Variants in DLEC1 observed in about 807,000 individuals in gnomAD.
The protein encoded by DLEC1 is deleted in lung and esophageal cancer protein 1.
Under a neutral mutation model 198.1 loss-of-function variants are expected in DLEC1, and 146 were observed. That is an observed-to-expected ratio of 0.74 (90% confidence interval 0.64 to 0.85). DLEC1 has a LOEUF of 0.85. DLEC1 is among the 40% of genes least tolerant of loss of function. DLEC1 has a pLI of 0.00. For missense variants in DLEC1, 2,233 were observed against 2,220.0 expected, an observed-to-expected ratio of 1.01 and a Z score of -0.12; for synonymous variants, 897 against 866.8, an observed-to-expected ratio of 1.03 and a Z score of -0.61.
chr3:38,092,837 C>T lies in DLEC1; in HGVS notation c.1713C>T (p.Ile571=), dbSNP rs771982845. 2 of 1,614,072 alleles carry T rather than the reference C, an allele frequency of 1.2e-6. No homozygotes were observed. The highest frequency in any genetic ancestry group is 1.7e-6 in the Non-Finnish European group (2 of 1,180,042). The change falls in exon 11 of 37, where the codon ATC becomes ATT. Residue 571 remains isoleucine (I), a synonymous_variant. Transcript: ENST00000308059. ...KSLGKAEQTF[I]IMCDNCQIKE... ...TAGGAAAGGCAGAGCAGACCTTCAT[C>T]ATCATGTGCGACAACTGCCAGATAA...
rs189508020 is a variant in DLEC1 at position 38,082,938 on chromosome 3, G to A, written c.1174-1220G>A. 3.9e-5 allele frequency among the ~76,000 whole-genome samples: 6 copies of A among 152,300 alleles called. No homozygotes were observed. The East Asian group carries it at 5.8e-4, about 15-fold the overall frequency. Reference sequence around the variant, plus strand: ...GCTGCCTTCCCAGTCCGTGACCGGCGCCGGAGTTTTGGGTCCACAAATAAA... The same window carrying A: ...GCTGCCTTCCCAGTCCGTGACCGGCACCGGAGTTTTGGGTCCACAAATAAA... On this transcript the variant is annotated intron_variant, in intron 6 of 36. Coordinates refer to ENST00000308059, the MANE Select transcript of DLEC1 (RefSeq NM_007335.4).
chr3:38,119,081 A>G (rs1011638047), intron 33 of DLEC1, among the ~76,000 whole-genome samples: 2 of 152,194 alleles, frequency 1.3e-5, no homozygotes, highest in Non-Finnish European at 2.9e-5. Flanking sequence ...AGAGCTTCCA[A>G]GGAGACACGG....
rs111637593 is a variant in DLEC1, at chr3:38,063,720, A to G, written c.1095-121A>G. The stretch of plus-strand genomic sequence containing the variant: ...ATCCAAAAACCCCCCAACAAATGGT[A>G]TATTGTGAATATCTTTGATGGTCTT... On this transcript the variant is annotated intron_variant, in intron 5 of 36. Coordinates refer to ENST00000308059, the MANE Select transcript of DLEC1 (RefSeq NM_007335.4). The G allele has an allele frequency of 4.1e-3, 2,921 of 708,362 alleles. 50 individuals are homozygous for G. The African/African-American group carries it at 0.042, about 10-fold the overall frequency. The allele number at this position is 708,362 out of a possible 1,614,324, so 43.9% of individuals were successfully genotyped here.
Position 38,116,963 on chromosome 3 carries a change from T to C in DLEC1, c.4180-12T>C. ...GCATGGGACAGTGCTAAGGCTGCTGTGTCTATGCCAGGTGGTCCCTGCTGG... is the reference window on the plus strand; with the variant it reads ...GCATGGGACAGTGCTAAGGCTGCTGCGTCTATGCCAGGTGGTCCCTGCTGG... On this transcript the variant is annotated splice_polypyrimidine_tract_variant and intron_variant, in intron 29 of 36. Coordinates refer to ENST00000308059, the MANE Select transcript of DLEC1 (RefSeq NM_007335.4). 1 of 1,613,656 alleles carries C rather than the reference T, an allele frequency of 6.2e-7. No individual in the cohort carries two copies.
intron 9 of DLEC1, among the ~76,000 whole-genome samples, chr3:38,087,348 CA>C (rs1271245687): frequency 7.8e-6 from 1 of 128,210 alleles, no homozygotes; most frequent in African/African-American, 2.7e-5. Flanking sequence ...CACCATCCAT[CA>C]GCACTGACAC....
At chr3:38,091,078 T>C (rs1698722331) in intron 10 of DLEC1, among the ~76,000 whole-genome samples, 1 of 152,216 alleles carries the variant, frequency 6.6e-6, no homozygotes, top group Admixed American at 6.5e-5. Flanking sequence ...GATTTAAATA[T>C]AAGACTTGAA....
At position 38,097,741 on chromosome 3, in the gene DLEC1, C is replaced by G; in HGVS notation, c.2566-3C>G. On this transcript the variant is annotated splice_polypyrimidine_tract_variant and splice_region_variant and intron_variant, in intron 17 of 36. Transcript: ENST00000308059. ...CCAGTGACAGGCCCTCTGGGTGTCTCAGGGGCCTGCCCTCATCATCAACGT... is the reference window on the plus strand; with the variant it reads ...CCAGTGACAGGCCCTCTGGGTGTCTGAGGGGCCTGCCCTCATCATCAACGT... 1 of 1,614,112 alleles carries G rather than the reference C, an allele frequency of 6.2e-7. No individual in the cohort carries two copies. The highest frequency in any genetic ancestry group is 8.5e-7 in the Non-Finnish European group (1 of 1,179,958).
intron 19 of DLEC1, among the ~76,000 whole-genome samples, 195 bp downstream of exon 19, chr3:38,100,620 T>A (rs1699258625): frequency 6.6e-6 from 1 of 152,224 alleles, no homozygotes; most frequent in Non-Finnish European, 1.5e-5. Flanking sequence ...GATGATCCAC[T>A]GATAATATTA....
intron 21 of DLEC1, 88 bp from the exon 22 acceptor site, chr3:38,109,344 C>T (rs1699738188): frequency 1.3e-5 from 20 of 1,558,176 alleles, no homozygotes; most frequent in Non-Finnish European, 1.7e-5. Context: ...CAAGGCTCCA[C>T]AGCAATCCCC....
chr3:38,053,947 A>G (rs1325915896), intron 2 of DLEC1, among the ~76,000 whole-genome samples: 3 of 152,326 alleles, frequency 2.0e-5, no homozygotes, highest in Non-Finnish European at 4.4e-5. Flanking sequence ...GGTTAAATGG[A>G]TTAAGGGCGG....
rs959343409 is a variant in DLEC1 at position 38,112,829 on chromosome 3, C to T, written c.3666+468C>T. ...ACTGTGTGTGGGTTCCTGTGTGGGC[C>T]GCTGTAGTGTGGAGGATACAGGGAT... is the stretch of plus-strand genomic sequence containing the variant. On this transcript the variant is annotated intron_variant, in intron 25 of 36. Coordinates refer to ENST00000308059, the MANE Select transcript of DLEC1 (RefSeq NM_007335.4). The surrounding 1 kb of genome is among the most constrained non-coding windows in gnomAD (Gnocchi z 4.8). Among the ~76,000 whole-genome samples, 22 of 152,086 alleles carry T rather than the reference C, an allele frequency of 1.4e-4. No individual in the cohort carries two copies. Among genetic ancestry groups the T allele is most frequent in the African/African-American group, 5.1e-4 (21 of 41,390 alleles).
At chr3:38,117,658 A>G in intron 32 of DLEC1, 47 bp downstream of exon 32, 1 of 1,612,704 alleles carries the variant, frequency 6.2e-7, no homozygotes, top group Non-Finnish European at 8.5e-7. Flanking sequence ...CCTGGACCTC[A>G]GATGTCTCTG....
At chr3:38,078,230 G>T (rs887967383) in intron 6 of DLEC1, among the ~76,000 whole-genome samples, 4 of 152,174 alleles carry the variant, frequency 2.6e-5, no homozygotes, top group African/African-American at 7.2e-5. Context: ...AGGAGCCGGG[G>T]AGCAGAAAGT....
At position 38,116,893 on chromosome 3, in the gene DLEC1, A is replaced by G. The variant is rs1404690952; in HGVS notation, c.4179+4A>G. 45 of 1,612,672 alleles carry G rather than the reference A, an allele frequency of 2.8e-5. No homozygotes were observed. The highest frequency in any genetic ancestry group is 3.8e-5 in the Non-Finnish European group (45 of 1,179,358). ...CTGTATCAGCCCCAAGCAGGTGGTGAGTTGGGGTATGGGCTGGGAGCTGTC... is the reference window on the plus strand; with the variant it reads ...CTGTATCAGCCCCAAGCAGGTGGTGGGTTGGGGTATGGGCTGGGAGCTGTC... On this transcript the variant is annotated splice_donor_region_variant and intron_variant, in intron 29 of 36. Coordinates refer to ENST00000308059, the MANE Select transcript of DLEC1 (RefSeq NM_007335.4).
At chr3:38,085,726 T>A (rs1698419144) in intron 8 of DLEC1, among the ~76,000 whole-genome samples, 3 of 152,068 alleles carry the variant, frequency 2.0e-5, no homozygotes, top group Admixed American at 2.0e-4. Flanking sequence ...TTTGCTGGCT[T>A]ATGAACATCC....
chr3:38,115,208 A>G (rs980339389), intron 27 of DLEC1, among the ~76,000 whole-genome samples, 155 bp downstream of exon 27: 8 of 152,232 alleles, frequency 5.3e-5, no homozygotes, highest in African/African-American at 1.9e-4. Flanking sequence ...ATGGGCCCAC[A>G]GATGCCCTGC....
intron 6 of DLEC1, among the ~76,000 whole-genome samples, chr3:38,072,609 T>C (rs923299016): frequency 6.6e-6 from 1 of 152,140 alleles, no homozygotes; most frequent in Non-Finnish European, 1.5e-5. Flanking sequence ...ATCTATGGGG[T>C]CAACTAGGTT....
At chr3:38,064,842 C>A (rs1439635927) in intron 6 of DLEC1, among the ~76,000 whole-genome samples, 1 of 149,782 alleles carries the variant, frequency 6.7e-6, no homozygotes, top group African/African-American at 2.5e-5. Flanking sequence ...AGAGGCGCTC[C>A]TCACTTCCCA....
chr3:38,059,913 G>A (rs1346035349), intron 3 of DLEC1, 61 bp downstream of exon 3: 13 of 1,383,452 alleles, frequency 9.4e-6, no homozygotes, highest in South Asian at 1.2e-5. Flanking sequence ...GTAGGGCCAC[G>A]TTGGCCACCT....
Sources: allele counts gnomAD v4.1 joint callset (sites outside exome capture counted in the v4.1 genomes callset), GRCh38; gene constraint gnomAD v4.1.1; non-coding constraint Gnocchi (gnomAD v3.1); transcripts MANE v1.5; gene names NCBI Gene and HGNC (gene_info 2026-07-23, HGNC 2026-07-21).